PTPRT: variants seen among roughly 807,000 people sequenced by gnomAD.
PTPRT encodes the protein protein tyrosine phosphatase receptor type T, also known as receptor-type tyrosine-protein phosphatase T.
Under a neutral mutation model 176.8 loss-of-function variants are expected in PTPRT, and 56 were observed. That is an observed-to-expected ratio of 0.32 (90% CI 0.26 to 0.40). The LOEUF (loss-of-function observed/expected upper bound fraction) is 0.40. PTPRT is among the 10% of genes least tolerant of loss of function. The probability of loss-of-function intolerance (pLI) is 1.00; values close to 1 mark genes in which losing one functional copy is unlikely to be tolerated. For missense variants in PTPRT, 1,540 were observed against 1,908.2 expected (o/e 0.81, Z 3.60); for synonymous variants, 783 against 739.0 (o/e 1.06, Z -0.96).
At chr20:42,228,385 C>T (rs953458984) in intron 15 of PTPRT, among the ~76,000 whole-genome samples, 2 of 152,176 alleles carry the variant, frequency 1.3e-5, no homozygotes, top group African/African-American at 4.8e-5. Flanking sequence ...GTTTAGACGC[C>T]AGTTCAATAG....
chr20:42,851,497 G>A (rs1320024165), intron 2 of PTPRT, among the ~76,000 whole-genome samples: 1 of 151,914 alleles, frequency 6.6e-6, no homozygotes, highest in African/African-American at 2.4e-5. Context: ...TGCCTACCTG[G>A]GGTATTCCTT....
chr20:42,419,955 A>T (rs375762574), intron 9 of PTPRT, among the ~76,000 whole-genome samples: 1 of 152,098 alleles, frequency 6.6e-6, no homozygotes, highest in African/African-American at 2.4e-5. Flanking sequence ...GATGCCAAGG[A>T]TTGCTCATAA....
At chr20:43,183,237 C>T (rs1278278216) in intron 1 of PTPRT, among the ~76,000 whole-genome samples, 1 of 152,170 alleles carries the variant, frequency 6.6e-6, no homozygotes, top group African/African-American at 2.4e-5. Flanking sequence ...TAATGCTTTG[C>T]AAATTGCTAA....
chr20:42,991,034 C>T (rs78634963), intron 1 of PTPRT, among the ~76,000 whole-genome samples: 1,635 of 152,190 alleles, frequency 0.011, 41 homozygotes, highest in African/African-American at 0.037. Flanking sequence ...CAGGTCATTT[C>T]GACCTTGTGG....
intron 1 of PTPRT, among the ~76,000 whole-genome samples, chr20:43,116,834 G>A (rs570325615): frequency 6.6e-6 from 1 of 152,194 alleles, no homozygotes; most frequent in Non-Finnish European, 1.5e-5. Flanking sequence ...ATCAAATGTG[G>A]ACTCCATGTG....
intron 15 of PTPRT, among the ~76,000 whole-genome samples, chr20:42,207,233 G>T (rs967724116): frequency 6.6e-6 from 1 of 152,168 alleles, no homozygotes; most frequent in South Asian, 2.1e-4. Flanking sequence ...AACGCAGAGC[G>T]CCTCTCCTCC....
chr20:42,984,266 T>C (rs1006255032), intron 1 of PTPRT, among the ~76,000 whole-genome samples: 1 of 152,034 alleles, frequency 6.6e-6, no homozygotes, highest in Non-Finnish European at 1.5e-5. Flanking sequence ...ACTAATCAAA[T>C]GCCACAAGTC....
At chr20:42,617,290 T>G (rs73618854) in intron 7 of PTPRT, among the ~76,000 whole-genome samples, 46 of 133,248 alleles carry the variant, frequency 3.5e-4, no homozygotes, top group South Asian at 7.0e-4. Context: ...GGATGAAGCC[T>G]ACTTGATCAT....
At chr20:42,500,717 G>A (rs1395808364) in intron 7 of PTPRT, among the ~76,000 whole-genome samples, 1 of 151,998 alleles carries the variant, frequency 6.6e-6, no homozygotes, top group Non-Finnish European at 1.5e-5. Flanking sequence ...GATGCTTATT[G>A]ACTGAAGATG....
intron 1 of PTPRT, among the ~76,000 whole-genome samples, chr20:43,102,593 G>T (rs1600714988): frequency 6.6e-6 from 1 of 152,314 alleles, no homozygotes; most frequent in South Asian, 2.1e-4. Context: ...ACCACCAGGG[G>T]CGACCTGCAT....
intron 7 of PTPRT, among the ~76,000 whole-genome samples, chr20:42,595,412 A>G (rs1295927769): frequency 1.3e-5 from 2 of 152,074 alleles, no homozygotes; most frequent in Non-Finnish European, 2.9e-5. Flanking sequence ...GGTTGTGACA[A>G]GCAGAAATGG....
chr20:42,568,122 C>T (rs1386409748), intron 7 of PTPRT, among the ~76,000 whole-genome samples: 1 of 152,090 alleles, frequency 6.6e-6, no homozygotes, highest in Admixed American at 6.5e-5. Flanking sequence ...GCACCCACCA[C>T]CATGCCCGGC....
At chr20:42,875,309 T>C (rs1406312409) in intron 2 of PTPRT, among the ~76,000 whole-genome samples, 1 of 152,224 alleles carries the variant, frequency 6.6e-6, no homozygotes, top group Non-Finnish European at 1.5e-5. Flanking sequence ...CGTCATTACT[T>C]GCTCATATCC....
chr20:42,271,257 T>C lies in PTPRT; in HGVS notation c.2176+11232A>G, dbSNP rs183916820. Reference sequence around the variant, plus strand: ...CCATTATCAACAGCCCCCCACCTTCTTGTATGTAAGCCTTCCTTAGGTGAG... The same window carrying C: ...CCATTATCAACAGCCCCCCACCTTCCTGTATGTAAGCCTTCCTTAGGTGAG... On this transcript the variant is annotated intron_variant, in intron 13 of 30. Transcript: ENST00000373187. Among the ~76,000 whole-genome samples the C allele has an allele frequency of 2.0e-5, 3 of 152,270 alleles. No homozygotes were observed. In the East Asian group the frequency reaches 5.8e-4, roughly 29 times the overall value.
intron 7 of PTPRT, among the ~76,000 whole-genome samples, chr20:42,528,442 T>C (rs1035745283): frequency 1.1e-4 from 16 of 151,748 alleles, no homozygotes; most frequent in African/African-American, 3.4e-4. Context: ...TATCCATTCA[T>C]CTAATAAATG....
At chr20:42,648,916 T>C (rs1457114991) in intron 7 of PTPRT, among the ~76,000 whole-genome samples, 1 of 149,616 alleles carries the variant, frequency 6.7e-6, no homozygotes, top group South Asian at 2.2e-4. Context: ...CCTCCCGGGT[T>C]CATGCCATTC....
In PTPRT at chr20:42,677,873, C is replaced by T. The variant is rs750158438; in HGVS notation, c.1146G>A (p.Lys382=). ...PPGPPLTTRT[K]CADPVHGPQN... ...GAAAAAAAAAAATCTTACCTGCACACTTGGTCCTGGTGGTGAGGGGAGGCC... is the reference window on the plus strand; with the variant it reads ...GAAAAAAAAAAATCTTACCTGCACATTTGGTCCTGGTGGTGAGGGGAGGCC... The change falls in exon 7 of 31, where the codon AAG becomes AAA. Residue 382 remains lysine (K), a synonymous_variant. Coordinates refer to ENST00000373187, the MANE Select transcript of PTPRT (RefSeq NM_007050.6). The T allele has an allele frequency of 2.5e-6, 4 of 1,612,936 alleles. No individual in the cohort carries two copies. The highest frequency in any genetic ancestry group is 8.5e-7 in the Non-Finnish European group (1 of 1,179,376).
intron 1 of PTPRT, among the ~76,000 whole-genome samples, chr20:43,088,996 A>T (rs1387055483): frequency 1.3e-5 from 2 of 152,094 alleles, no homozygotes; most frequent in East Asian, 3.9e-4. Context: ...TCACTCATAA[A>T]ATAGAGTTAT....
intron 1 of PTPRT, among the ~76,000 whole-genome samples, chr20:43,057,891 G>C (rs1361001028): frequency 6.6e-6 from 1 of 152,176 alleles, no homozygotes; most frequent in Non-Finnish European, 1.5e-5. Context: ...TAAATGCCTG[G>C]AGGTCAGGAG....
Sources: allele counts gnomAD v4.1 joint callset (sites outside exome capture counted in the v4.1 genomes callset), GRCh38; gene constraint gnomAD v4.1.1; transcripts MANE v1.5; gene names NCBI Gene and HGNC (gene_info 2026-07-23, HGNC 2026-07-21).